The following LRP1B variants were observed in gnomAD, a reference collection of about 807,000 sequenced individuals.
LRP1B encodes the protein LDL receptor related protein 1B.
Under a neutral mutation model 556.6 loss-of-function variants are expected in LRP1B, and 217 were observed. The ratio of observed to expected loss-of-function variants is 0.39; its 90% CI spans 0.35 to 0.44. The LOEUF is 0.44. LRP1B is among the 20% of genes least tolerant of loss of function. The probability of loss-of-function intolerance (pLI) is 1.00; values close to 1 mark genes in which losing one functional copy is unlikely to be tolerated. For synonymous variants in LRP1B, 2,047 were observed against 1,865.8 expected (o/e 1.10, Z -2.50); for missense variants, 5,053 against 5,620.8 (o/e 0.90, Z 3.23).
intron 43 of LRP1B, among the ~76,000 whole-genome samples, chr2:140,585,109 A>C (rs62171942): frequency 0.043 from 6,518 of 152,172 alleles, 214 homozygotes; most frequent in Non-Finnish European, 0.062. Context: ...CTTATGATTA[A>C]TTATATAGTT....
intron 1 of LRP1B, among the ~76,000 whole-genome samples, chr2:141,973,598 A>T (rs186248772): frequency 4.6e-5 from 7 of 151,960 alleles, no homozygotes; most frequent in Admixed American, 3.3e-4. Context: ...GATGATGAAG[A>T]CATTGATGCT....
intron 1 of LRP1B, among the ~76,000 whole-genome samples, chr2:142,111,464 C>A (rs1426529304): frequency 6.6e-6 from 1 of 152,064 alleles, no homozygotes; most frequent in Non-Finnish European, 1.5e-5. Context: ...TCCTTGCATT[C>A]AAGTATAGGA....
chr2:141,557,230 C>A (rs1202314002), intron 2 of LRP1B, among the ~76,000 whole-genome samples: 2 of 151,690 alleles, frequency 1.3e-5, no homozygotes, highest in African/African-American at 2.4e-5. Context: ...ACCACAAAGA[C>A]ACACAGGAAA....
chr2:140,817,348 A>G (rs6729237), intron 31 of LRP1B, among the ~76,000 whole-genome samples: 109,509 of 151,626 alleles, frequency 0.72, 42,226 homozygotes, highest in Non-Finnish European at 0.86. Flanking sequence ...TATTTAAATT[A>G]AGAAAAAAAT....
chr2:140,628,285 CTT>C (rs1196776379), intron 41 of LRP1B, among the ~76,000 whole-genome samples: 1 of 152,146 alleles, frequency 6.6e-6, no homozygotes, highest in Non-Finnish European at 1.5e-5. Context: ...AATCCCCACA[CTT>C]TGGGAGGCCG....
chr2:140,492,778 T>C, intron 56 of LRP1B, 85 bp from the exon 57 acceptor site: 2 of 970,658 alleles, frequency 2.1e-6, no homozygotes, highest in Non-Finnish European at 1.6e-6. Flanking sequence ...TTAGCAGCAA[T>C]GTGATTTCAA....
chr2:141,461,689 A>G (rs1003949667), intron 3 of LRP1B, among the ~76,000 whole-genome samples: 2 of 152,238 alleles, frequency 1.3e-5, no homozygotes, highest in Non-Finnish European at 2.9e-5. Context: ...TACGAAGAAC[A>G]TGAAAGTAGC....
intron 15 of LRP1B, among the ~76,000 whole-genome samples, chr2:140,996,765 A>C (rs761513661): frequency 9.9e-5 from 15 of 152,122 alleles, no homozygotes; most frequent in Non-Finnish European, 1.9e-4. Flanking sequence ...TGCAAAAGAC[A>C]AAAAGATAAA....
intron 1 of LRP1B, among the ~76,000 whole-genome samples, chr2:141,832,839 A>G (rs765798467): frequency 2.0e-5 from 3 of 151,836 alleles, no homozygotes. Flanking sequence ...CTAAAACTCT[A>G]TTTGTTTCAC....
chr2:141,875,371 C>T (rs1698724581), intron 1 of LRP1B, among the ~76,000 whole-genome samples: 1 of 151,820 alleles, frequency 6.6e-6, no homozygotes, highest in South Asian at 2.1e-4. Context: ...CACATATAGA[C>T]TTGCTGCCAG....
intron 7 of LRP1B, among the ~76,000 whole-genome samples, chr2:141,087,295 C>T (rs1038647411): frequency 3.3e-5 from 5 of 152,242 alleles, no homozygotes; most frequent in African/African-American, 7.2e-5. Context: ...GTCAGCCTAT[C>T]GGACCTGGAG....
chr2:140,514,683 C>A lies in LRP1B; in HGVS notation c.8239G>T (p.Asp2747Tyr), dbSNP rs781076753. 1 of 1,612,230 alleles carries A rather than the reference C, an allele frequency of 6.2e-7. No individual in the cohort carries two copies. Among genetic ancestry groups the A allele is most frequent in the Non-Finnish European group, 8.5e-7 (1 of 1,178,718 alleles). The change falls in exon 51 of 91, where the codon GAT becomes TAT. Residue 2747 changes from aspartate (D) to tyrosine (Y), a missense_variant. Around this residue, in one of 5 missense-constraint regions of LRP1B, gnomAD observed 3,619 missense variants for 3,931.9 expected, o/e 0.92. Transcript: ENST00000389484. ...ATGCTGTCACTTTCATCTAACCCAT[C>A]CCCACAGTCATCTTCTCCATCACAA... ...WICDGEDDCG[D>Y]GLDESDSICG...
chr2:141,342,813 A>G (rs1436281704), intron 3 of LRP1B, among the ~76,000 whole-genome samples: 4 of 152,222 alleles, frequency 2.6e-5, no homozygotes, highest in Admixed American at 2.6e-4. Flanking sequence ...GATATTATCC[A>G]GGAGAACTTC....
chr2:140,600,767 GT>G (rs61336155), intron 42 of LRP1B, among the ~76,000 whole-genome samples: 2,403 of 56,684 alleles, frequency 0.042, 33 homozygotes, highest in Middle Eastern at 0.068. Context: ...GTTCTTCGGG[GT>G]TTTTTTTTTT....
intron 3 of LRP1B, among the ~76,000 whole-genome samples, chr2:141,354,768 C>G (rs1485073408): frequency 6.6e-6 from 1 of 150,930 alleles, no homozygotes; most frequent in Non-Finnish European, 1.5e-5. Context: ...GCAATCAACC[C>G]TGCAATTATA....
At chr2:141,936,236 C>G (rs1379704923) in intron 1 of LRP1B, among the ~76,000 whole-genome samples, 1 of 151,342 alleles carries the variant, frequency 6.6e-6, no homozygotes, top group Non-Finnish European at 1.5e-5. Flanking sequence ...AAAGCAAAAC[C>G]AAAAACAAAA....
At position 141,216,957 on chromosome 2, in the gene LRP1B, G is replaced by C. The variant is rs116005110; in HGVS notation, c.850+12226C>G. On this transcript the variant is annotated intron_variant, in intron 6 of 90. Transcript: ENST00000389484. Reference sequence around the variant, plus strand: ...TTGCCTTGTCTCAGATGAGACTTTAGACTTGGGACTTTTAATTGATCTGAT... The same window carrying C: ...TTGCCTTGTCTCAGATGAGACTTTACACTTGGGACTTTTAATTGATCTGAT... Among the ~76,000 whole-genome samples the C allele has an allele frequency of 1.9e-3, 292 of 152,244 alleles. 1 individual carries two copies. Among genetic ancestry groups the C allele is most frequent in the African/African-American group, 6.8e-3 (281 of 41,540 alleles).
intron 25 of LRP1B, among the ~76,000 whole-genome samples, chr2:140,881,180 A>G (rs1693460853): frequency 6.6e-6 from 1 of 151,974 alleles, no homozygotes; most frequent in Non-Finnish European, 1.5e-5. Flanking sequence ...CATAGCACTA[A>G]GATAGTAAGC....
intron 79 of LRP1B, among the ~76,000 whole-genome samples, chr2:140,332,968 C>G (rs549610451): frequency 4.9e-4 from 75 of 152,044 alleles, no homozygotes; most frequent in Non-Finnish European, 8.7e-4. Context: ...GAGATTATGC[C>G]ACTTACCTTG....
Sources: allele counts gnomAD v4.1 joint callset (sites outside exome capture counted in the v4.1 genomes callset), GRCh38; gene constraint gnomAD v4.1.1; regional missense constraint gnomAD v4.1.1; transcripts MANE v1.5; gene names NCBI Gene and HGNC (gene_info 2026-07-23, HGNC 2026-07-21).